The following CATSPERB variants were observed in gnomAD, a reference collection of about 807,000 sequenced individuals.
The protein encoded by CATSPERB is catsper channel auxiliary subunit beta, also known as cation channel sperm-associated auxiliary subunit beta.
CATSPERB carries 93 observed loss-of-function variants against 128.3 expected under a neutral mutation model. The ratio of observed to expected loss-of-function variants is 0.72; its 90% CI spans 0.61 to 0.86. The LOEUF (loss-of-function observed/expected upper bound fraction) is 0.86, where lower values mean the gene tolerates loss of function less well. Ranked by LOEUF, CATSPERB falls within the 40% of genes least tolerant of loss-of-function variation. The pLI, the probability that CATSPERB is intolerant of heterozygous loss-of-function variation, is 0.00. For missense variants in CATSPERB, 1,153 were observed against 1,329.5 expected, an observed-to-expected ratio of 0.87 and a Z score of 2.06; for synonymous variants, 381 against 448.8, an observed-to-expected ratio of 0.85 and a Z score of 1.91.
chr14:91,730,502 C>T (rs1210902582), intron 1 of CATSPERB, among the ~76,000 whole-genome samples: 2 of 152,112 alleles, frequency 1.3e-5, no homozygotes, highest in Non-Finnish European at 2.9e-5. Context: ...TTATGGCAGC[C>T]CTAGAAAACT....
intron 19 of CATSPERB, among the ~76,000 whole-genome samples, chr14:91,620,077 T>C (rs1232117239): frequency 6.6e-6 from 1 of 152,038 alleles, no homozygotes; most frequent in Non-Finnish European, 1.5e-5. Context: ...GCCCAGGTGT[T>C]ATTATTTCTC....
At chr14:91,680,134 G>T (rs1169366356) in intron 11 of CATSPERB, among the ~76,000 whole-genome samples, 1 of 152,150 alleles carries the variant, frequency 6.6e-6, no homozygotes, top group African/African-American at 2.4e-5. Flanking sequence ...AATTTATTCT[G>T]TGCCTTAATT....
At chr14:91,617,447 T>C (rs1341947928) in intron 20 of CATSPERB, 150 bp downstream of exon 20, 1 of 463,220 alleles carries the variant, frequency 2.2e-6, no homozygotes, top group Admixed American at 4.4e-5. Flanking sequence ...CAACACTTTC[T>C]TCAATGTATT....
chr14:91,715,810 G>A (rs924905404), intron 5 of CATSPERB, among the ~76,000 whole-genome samples: 4 of 152,098 alleles, frequency 2.6e-5, no homozygotes, highest in African/African-American at 9.7e-5. Context: ...TTGGTGAAAG[G>A]ATACAGTCCA....
chr14:91,680,356 A>C (rs576150578), intron 11 of CATSPERB, among the ~76,000 whole-genome samples: 2 of 152,308 alleles, frequency 1.3e-5, no homozygotes, highest in South Asian at 4.1e-4. Context: ...GCATAAACTT[A>C]GTTCAGAACC....
At position 91,712,798 on chromosome 14, in the gene CATSPERB, C is replaced by A. The variant is rs550282142; in HGVS notation, c.371-4562G>T. Among the ~76,000 whole-genome samples the A allele has an allele frequency of 9.2e-5, 14 of 152,226 alleles. No homozygotes were observed. The East Asian group carries it at 2.7e-3, about 29-fold the overall frequency. On this transcript the variant is annotated intron_variant, in intron 5 of 26. Transcript: ENST00000256343. ...TCACAAGGTGCACTTACACACACACCCAAGCTCAGTCATACGGGGACAATT... is the reference window on the plus strand; with the variant it reads ...TCACAAGGTGCACTTACACACACACACAAGCTCAGTCATACGGGGACAATT...
At chr14:91,666,791 G>A (rs1053144466) in intron 14 of CATSPERB, among the ~76,000 whole-genome samples, 11 of 152,196 alleles carry the variant, frequency 7.2e-5, no homozygotes, top group African/African-American at 2.4e-4. Flanking sequence ...TGAGGGACTG[G>A]TGCTTCAAAT....
At chr14:91,652,781 C>T (rs1389484462) in intron 15 of CATSPERB, among the ~76,000 whole-genome samples, 1 of 150,698 alleles carries the variant, frequency 6.6e-6, no homozygotes, top group Non-Finnish European at 1.5e-5. Context: ...ACAATATTCA[C>T]AATTACTTTC....
At chr14:91,609,490 G>A (rs574428085) in intron 21 of CATSPERB, among the ~76,000 whole-genome samples, 2 of 152,262 alleles carry the variant, frequency 1.3e-5, no homozygotes, top group South Asian at 2.1e-4. Context: ...AGTACAGTGT[G>A]TACTACAGCT....
intron 10 of CATSPERB, among the ~76,000 whole-genome samples, chr14:91,684,601 ACTT>A (rs1256492194): frequency 1.4e-5 from 2 of 144,676 alleles, no homozygotes; most frequent in Non-Finnish European, 3.0e-5. Flanking sequence ...ATGAGGAGAC[ACTT>A]CTTTTTTTTT....
chr14:91,636,415 A>G lies in CATSPERB; in HGVS notation c.1742+10T>C, dbSNP rs17127484. ...ACCAATATGCCATCTAAATAAATGC[A>G]TATCACTACCCAGAGTGTATCACTT... On this transcript the variant is annotated intron_variant, in intron 17 of 26. Transcript: ENST00000256343. 0.22 allele frequency: 350,716 copies of G among 1,608,406 alleles called. 39,788 individuals are homozygous for G. The highest frequency in any genetic ancestry group is 0.28 in the African/African-American group (20,745 of 74,704).
At chr14:91,678,566 A>T (rs1360792032) in intron 11 of CATSPERB, among the ~76,000 whole-genome samples, 1 of 152,236 alleles carries the variant, frequency 6.6e-6, no homozygotes, top group African/African-American at 2.4e-5. Context: ...GAGTACTCAT[A>T]AATGAAATCC....
chr14:91,656,418 A>G (rs935003791), intron 15 of CATSPERB, among the ~76,000 whole-genome samples: 1 of 152,180 alleles, frequency 6.6e-6, no homozygotes, highest in African/African-American at 2.4e-5. Context: ...GGGTTATAAG[A>G]TATTATGGTA....
chr14:91,685,810 AGGCAGGATGGCTGCAGTAGG>A (rs987280480), intron 10 of CATSPERB, among the ~76,000 whole-genome samples: 10 of 152,224 alleles, frequency 6.6e-5, no homozygotes, highest in Admixed American at 3.3e-4. Context: ...TAGCATGGCC[AGGCAGGATGGCTGCAGTAGG>A]GGCAGGATGG....
chr14:91,717,060 A>G (rs965448937), intron 5 of CATSPERB, among the ~76,000 whole-genome samples: 2 of 152,234 alleles, frequency 1.3e-5, no homozygotes, highest in Admixed American at 1.3e-4. Context: ...CAAGAACACT[A>G]GAGAGACTAT....
intron 2 of CATSPERB, among the ~76,000 whole-genome samples, chr14:91,725,816 T>C (rs1445608295): frequency 6.6e-6 from 1 of 152,166 alleles, no homozygotes; most frequent in African/African-American, 2.4e-5. Flanking sequence ...CCCACAGCCC[T>C]AATGAAAACA....
intron 5 of CATSPERB, among the ~76,000 whole-genome samples, chr14:91,711,313 C>T (rs1895836583): frequency 6.6e-6 from 1 of 152,160 alleles, no homozygotes; most frequent in Non-Finnish European, 1.5e-5. Flanking sequence ...TCACTGCAAC[C>T]CCCACTTTCT....
intron 20 of CATSPERB, among the ~76,000 whole-genome samples, chr14:91,612,709 C>G (rs1204124694): frequency 6.6e-6 from 1 of 152,030 alleles, no homozygotes; most frequent in Middle Eastern, 3.2e-3. Context: ...TTGTCCTGTC[C>G]CCATACTCTG....
chr14:91,673,074 C>T lies in CATSPERB; in HGVS notation c.979-58G>A. Reference sequence around the variant, plus strand: ...TTTTTGAAATATAAGTTCTAATTCTCTTAGTGAAACTAGCCCACTTGTTCA... The same window carrying T: ...TTTTTGAAATATAAGTTCTAATTCTTTTAGTGAAACTAGCCCACTTGTTCA... On this transcript the variant is annotated intron_variant, in intron 12 of 26. Transcript: ENST00000256343. The T allele has an allele frequency of 4.3e-6, 6 of 1,384,490 alleles. No homozygotes were observed. The South Asian group carries it at 8.1e-5, about 19-fold the overall frequency. The allele number at this position is 1,384,490 out of a possible 1,614,324, so 85.8% of individuals were successfully genotyped here. A position where few individuals can be genotyped will look rare whatever the true frequency, so the allele number is the denominator to read the frequency against.
Sources: gnomAD v4.1 joint callset for allele counts (sites outside exome capture counted in the v4.1 genomes callset) on GRCh38, gnomAD v4.1.1 for gene constraint, MANE v1.5 for transcripts, NCBI Gene and HGNC (gene_info 2026-07-23, HGNC 2026-07-21) for gene names.